The following CCNF variants were observed in gnomAD, a reference collection of about 807,000 sequenced individuals.
CCNF encodes the protein cyclin-F.
Under a neutral mutation model 85.4 loss-of-function variants are expected in CCNF, and 30 were observed. That is an observed-to-expected ratio of 0.35 (90% CI 0.26 to 0.48). The LOEUF is 0.48. Ranked by LOEUF, CCNF falls within the 20% of genes least tolerant of loss-of-function variation. CCNF has a pLI of 0.99. For missense variants in CCNF, 919 were observed against 1,010.4 expected, an observed-to-expected ratio of 0.91 and a Z score of 1.23; for synonymous variants, 439 against 425.1, an observed-to-expected ratio of 1.03 and a Z score of -0.40.
In CCNF at chr16:2,437,124, C is replaced by T. The variant is rs778293068; in HGVS notation, c.347-5C>T. On this transcript the variant is annotated splice_polypyrimidine_tract_variant and splice_region_variant and intron_variant, in intron 4 of 16. Coordinates refer to ENST00000397066, the MANE Select transcript of CCNF (RefSeq NM_001761.3). ...CCCTGGGCTCTGTCCTGTCTGTCCC[C>T]GCAGTGTCTGTGTCTGATGAGGCCC... 64 of 1,580,048 alleles carry T rather than the reference C, an allele frequency of 4.1e-5. No homozygotes were observed. The East Asian group carries it at 8.0e-4, about 20-fold the overall frequency.
intron 8 of CCNF, among the ~76,000 whole-genome samples, chr16:2,440,109 C>G (rs1179227827): frequency 1.3e-5 from 2 of 152,220 alleles, no homozygotes; most frequent in East Asian, 3.8e-4. Context: ...GCTATAGCTG[C>G]TGTCAAAATT....
chr16:2,436,158 T>A (rs1180854072), intron 4 of CCNF: 1 of 346,000 alleles, frequency 2.9e-6, no homozygotes, highest in African/African-American at 2.1e-5. Flanking sequence ...CGGGGGCTGT[T>A]TGGGCTCCCT....
In CCNF at chr16:2,436,855, C is replaced by T. The variant is rs949745262; in HGVS notation, c.347-274C>T. 20 of 283,490 alleles carry T rather than the reference C, an allele frequency of 7.1e-5. No homozygotes were observed. In the East Asian group the frequency reaches 1.0e-3, roughly 15 times the overall value. The allele number at this position is 283,490 out of a possible 1,614,324, so 17.6% of individuals were successfully genotyped here. A position where few individuals can be genotyped will look rare whatever the true frequency, so the allele number is the denominator to read the frequency against. On this transcript the variant is annotated intron_variant, in intron 4 of 16. Coordinates refer to ENST00000397066, the MANE Select transcript of CCNF (RefSeq NM_001761.3). ...GGAGGGAGGGTGGGACATGAAGCGT[C>T]GCGGGGTCTCCTTCCCCTGACCTTC...
At position 2,457,903 on chromosome 16, in the gene CCNF, G is replaced by C. The variant is rs1023708986; in HGVS notation, c.*883G>C. 2.0e-5 allele frequency: 3 copies of C among 152,226 alleles called. No individual in the cohort carries two copies. The highest frequency in any genetic ancestry group is 2.9e-5 in the Non-Finnish European group (2 of 68,032). The allele number at this position is 152,226 out of a possible 1,614,324, so 9.4% of individuals were successfully genotyped here. On this transcript the variant is annotated 3_prime_UTR_variant, in exon 17 of 17. Transcript: ENST00000397066. ...TATGCAAAAAGAATTTTCCCAGATA[G>C]GCTAGCCAGAAAAAACTTCAAGTCC...
intron 3 of CCNF, among the ~76,000 whole-genome samples, chr16:2,435,374 C>T (rs947193400): frequency 6.6e-6 from 1 of 151,636 alleles, no homozygotes; most frequent in Admixed American, 6.6e-5. Context: ...GTCTGGAATT[C>T]AAGACTAGCC....
intron 8 of CCNF, among the ~76,000 whole-genome samples, chr16:2,441,981 A>ATATATG (rs1322601122): frequency 6.1e-5 from 6 of 98,778 alleles, no homozygotes; most frequent in African/African-American, 1.2e-4. Context: ...ATATATATAT[A>ATATATG]TGTTTTTGTT....
In CCNF at chr16:2,452,209, C is replaced by A. The variant is rs1014997864; in HGVS notation, c.1488-1001C>A. 1.3e-5 allele frequency among the ~76,000 whole-genome samples: 2 copies of A among 152,228 alleles called. No homozygotes were observed. The highest frequency in any genetic ancestry group is 2.9e-5 in the Non-Finnish European group (2 of 68,048). On this transcript the variant is annotated intron_variant, in intron 13 of 16. Transcript: ENST00000397066. The surrounding 1 kb of genome is among the most constrained non-coding windows in gnomAD (Gnocchi z 4.1). ...CGGCTTCCAGGATGAGATCAGAACT[C>A]CCTGGGGGTCTCGATGCCCTTGAGC... is the stretch of plus-strand genomic sequence containing the variant.
At chr16:2,437,626 C>T (rs1242547529) in intron 5 of CCNF, 2 of 357,854 alleles carry the variant, frequency 5.6e-6, no homozygotes, top group East Asian at 5.1e-5. Flanking sequence ...TGGTGGCTCA[C>T]GCCTGTCATC....
chr16:2,431,317 A>G lies in CCNF; in HGVS notation c.171+33A>G, dbSNP rs975972139. On this transcript the variant is annotated intron_variant, in intron 2 of 16. Coordinates refer to ENST00000397066, the MANE Select transcript of CCNF (RefSeq NM_001761.3). ...CCTGCATGAAAACACTATGAGCCCT[A>G]GCATTGTTGATTATACCATCAGGCC... is the stretch of plus-strand genomic sequence containing the variant. 4.4e-6 allele frequency: 7 copies of G among 1,604,240 alleles called. No homozygotes were observed. In the Middle Eastern group the frequency reaches 6.7e-4, roughly 155 times the overall value.
chr16:2,432,993 C>A lies in CCNF; in HGVS notation c.204C>A (p.Asn68Lys), dbSNP rs1397320224. 3 of 1,610,078 alleles carry A rather than the reference C, an allele frequency of 1.9e-6. No individual in the cohort carries two copies. The African/African-American group carries it at 4.0e-5, about 22-fold the overall frequency. The change falls in exon 3 of 17, where the codon AAC (asparagine) becomes AAA (lysine). Residue 68 changes from asparagine (N) to lysine (K), a missense_variant. Asn to Lys is a moderately conservative substitution (Grantham distance 94). Transcript: ENST00000397066. ...VHSQLKDLVDNHASVWACASF... is the reference protein window; with the variant it reads ...VHSQLKDLVDKHASVWACASF... ...CCCAGCTGAAGGACCTGGTGGACAA[C>A]CACGCCAGTGTGTGGGCATGTGCCA...
At chr16:2,447,354 G>A (rs1252468486) in intron 10 of CCNF, among the ~76,000 whole-genome samples, 1 of 151,548 alleles carries the variant, frequency 6.6e-6, no homozygotes, top group Non-Finnish European at 1.5e-5. Flanking sequence ...GGAGGCTGAT[G>A]TGGGCGGATC....
intron 10 of CCNF, among the ~76,000 whole-genome samples, chr16:2,448,408 T>G (rs1157912776): frequency 2.6e-5 from 4 of 152,050 alleles, no homozygotes; most frequent in African/African-American, 7.3e-5. Context: ...TTGTTATTAT[T>G]ATGATGATTA....
intron 9 of CCNF, among the ~76,000 whole-genome samples, chr16:2,444,510 C>T (rs542984845): frequency 2.2e-3 from 332 of 151,400 alleles, no homozygotes; most frequent in Non-Finnish European, 3.8e-3. Flanking sequence ...TCGTATTAGC[C>T]AGGATGGTCT....
chr16:2,444,394 G>T (rs558165149), intron 9 of CCNF, among the ~76,000 whole-genome samples: 1 of 147,652 alleles, frequency 6.8e-6, no homozygotes, highest in East Asian at 2.0e-4. Flanking sequence ...CCACCTCCCG[G>T]GTTCACACCA....
In CCNF at chr16:2,436,974, G is replaced by A. The variant is rs189523069; in HGVS notation, c.347-155G>A. 8.1e-5 allele frequency: 44 copies of A among 541,186 alleles called. No individual in the cohort carries two copies. The East Asian group carries it at 1.2e-3, about 14-fold the overall frequency. The allele number at this position is 541,186 out of a possible 1,614,324, so 33.5% of individuals were successfully genotyped here. On this transcript the variant is annotated intron_variant, in intron 4 of 16. Coordinates refer to ENST00000397066, the MANE Select transcript of CCNF (RefSeq NM_001761.3). ...AATGAAGTAGGGGGAGAAAAGACAG[G>A]TGCCCCCATCCTGGAGGGCTCTACT...
chr16:2,438,063 T>C lies in CCNF; in HGVS notation c.541-7T>C. The C allele has an allele frequency of 6.2e-7, 1 of 1,606,778 alleles. No individual in the cohort carries two copies. Among genetic ancestry groups the C allele is most frequent in the Non-Finnish European group, 8.5e-7 (1 of 1,173,364 alleles). On this transcript the variant is annotated splice_region_variant and splice_polypyrimidine_tract_variant and intron_variant, in intron 5 of 16. Transcript: ENST00000397066. ...GGAAATCACACTTCTTTCTCCTTTT[T>C]TTAAAGACTCACAAAGCATCCATAT...
Position 2,456,485 on chromosome 16 carries a change from G to A in CCNF, c.1886-60G>A. 1 of 1,240,602 alleles carries A rather than the reference G, an allele frequency of 8.1e-7. No homozygotes were observed. Among genetic ancestry groups the A allele is most frequent in the South Asian group, 1.5e-5 (1 of 65,748 alleles). 76.8% of individuals were successfully genotyped at this position (1,240,602 alleles called of 1,614,324 possible). A position where few individuals can be genotyped will look rare whatever the true frequency, so the allele number is the denominator to read the frequency against. ...TGGACTTCAGGGTCCTGACCTGGCAGGGGGTCTCCCCTGATGCTTGGGTGT... is the reference window on the plus strand; with the variant it reads ...TGGACTTCAGGGTCCTGACCTGGCAAGGGGTCTCCCCTGATGCTTGGGTGT... On this transcript the variant is annotated intron_variant, in intron 16 of 16. Transcript: ENST00000397066. This position sits in a 1 kb window ranked among gnomAD's most constrained non-coding sequence, Gnocchi z 4.5.
At chr16:2,439,598 C>T (rs2065310434) in intron 7 of CCNF, 141 bp downstream of exon 7, 2 of 889,288 alleles carry the variant, frequency 2.2e-6, no homozygotes, top group African/African-American at 1.7e-5. Context: ...AACCACTGGT[C>T]AGTCGGCTAT....
intron 8 of CCNF, among the ~76,000 whole-genome samples, chr16:2,441,985 T>TATATA (rs2065325458): frequency 9.9e-6 from 1 of 100,924 alleles, no homozygotes; most frequent in Non-Finnish European, 2.0e-5. Context: ...ATATATATGT[T>TATATA]TTTGTTTTTG....
Sources: allele counts gnomAD v4.1 joint callset (sites outside exome capture counted in the v4.1 genomes callset), GRCh38; gene constraint gnomAD v4.1.1; non-coding constraint Gnocchi (gnomAD v3.1); transcripts MANE v1.5; gene names NCBI Gene and HGNC (gene_info 2026-07-23, HGNC 2026-07-21).